Variants in HNRNPF observed in about 807,000 individuals in gnomAD.
HNRNPF encodes the protein HnRNP F protein.
In HNRNPF, 2 loss-of-function variants were observed where a neutral mutation model predicts 26.0. The observed-to-expected ratio is 0.08, with a 90% CI of 0.03 to 0.24. The LOEUF (loss-of-function observed/expected upper bound fraction) is 0.24, where lower values mean the gene tolerates loss of function less well. Among genes scored for constraint, HNRNPF ranks in the 10% least tolerant of loss-of-function variants. HNRNPF has a pLI of 1.00. For synonymous variants in HNRNPF, 234 were observed against 211.5 expected (o/e 1.11, Z -0.92); for missense variants, 299 against 539.2 (o/e 0.55, Z 4.41).
At chr10:43,393,496 T>C (rs576349600) in intron 3 of HNRNPF, among the ~76,000 whole-genome samples, 2 of 151,976 alleles carry the variant, frequency 1.3e-5, no homozygotes, top group East Asian at 3.9e-4. Flanking sequence ...TCAGGAAGGC[T>C]GAGGCAGGAG....
At chr10:43,389,416 G>A (rs1394240466) in intron 3 of HNRNPF, among the ~76,000 whole-genome samples, 1 of 152,096 alleles carries the variant, frequency 6.6e-6, no homozygotes, top group Non-Finnish European at 1.5e-5. Flanking sequence ...AAAAGTAAAG[G>A]TAAGTGTAAT....
chr10:43,392,272 G>A (rs1266994774), intron 3 of HNRNPF, among the ~76,000 whole-genome samples: 2 of 152,206 alleles, frequency 1.3e-5, no homozygotes, highest in Non-Finnish European at 2.9e-5. Context: ...CGGGCACAGT[G>A]CCTCACACCT....
At chr10:43,408,597 G>C (rs561259601) in intron 1 of HNRNPF, 1 of 152,128 alleles carries the variant, frequency 6.6e-6, no homozygotes, top group African/African-American at 2.4e-5. Context: ...GTCCGGGTAC[G>C]GGGCCCTGGA....
At chr10:43,391,769 CTTT>C in intron 3 of HNRNPF, among the ~76,000 whole-genome samples, 1 of 152,172 alleles carries the variant, frequency 6.6e-6, no homozygotes, top group Non-Finnish European at 1.5e-5. Flanking sequence ...ATGCTTTCTT[CTTT>C]TTTTCCTTTT....
chr10:43,405,243 G>C (rs757572435), intron 1 of HNRNPF, among the ~76,000 whole-genome samples: 39 of 152,174 alleles, frequency 2.6e-4, no homozygotes, highest in Non-Finnish European at 4.3e-4. Context: ...AAGAATATAA[G>C]ATTACATTTA....
chr10:43,406,522 C>A (rs1838923136), intron 1 of HNRNPF, among the ~76,000 whole-genome samples: 1 of 152,000 alleles, frequency 6.6e-6, no homozygotes, highest in Non-Finnish European at 1.5e-5. Flanking sequence ...TAAGGAGACC[C>A]CATCTCTACA....
At chr10:43,397,727 T>G (rs909333015) in intron 1 of HNRNPF, among the ~76,000 whole-genome samples, 2 of 152,246 alleles carry the variant, frequency 1.3e-5, no homozygotes, top group African/African-American at 4.8e-5. Context: ...TTAATTCAAA[T>G]GAACTGGAGA....
At position 43,405,912 on chromosome 10, in the gene HNRNPF, G is replaced by T. The variant is rs145484889; in HGVS notation, c.-247+3219C>A. ...AAGAACCGTAGCTCAGGGCAACTAA[G>T]ACAGGGCAAGGGCCCTGGCAGGGGA... On this transcript the variant is annotated intron_variant, in intron 1 of 3. Transcript: ENST00000682386. Among the ~76,000 whole-genome samples the T allele has an allele frequency of 8.1e-3, 1,235 of 152,216 alleles. 4 individuals carry two copies. The highest frequency in any genetic ancestry group is 0.014 in the Non-Finnish European group (925 of 67,996).
At chr10:43,402,765 C>T (rs534332626) in intron 1 of HNRNPF, among the ~76,000 whole-genome samples, 31 of 152,214 alleles carry the variant, frequency 2.0e-4, no homozygotes, top group African/African-American at 7.5e-4. Flanking sequence ...ATGGATTTAT[C>T]GGGATATAAC....
intron 1 of HNRNPF, among the ~76,000 whole-genome samples, chr10:43,401,964 A>G (rs1459412032): frequency 1.3e-5 from 2 of 152,156 alleles, no homozygotes; most frequent in Admixed American, 6.5e-5. Context: ...AGAGAGATGG[A>G]AGGAGGAAAG....
chr10:43,407,681 C>G (rs1589003186), intron 1 of HNRNPF: 1 of 152,088 alleles, frequency 6.6e-6, no homozygotes, highest in East Asian at 1.9e-4. Flanking sequence ...AGAGCGCGCA[C>G]GAGTCAGATT....
At chr10:43,398,888 G>A (rs150608487) in intron 1 of HNRNPF, among the ~76,000 whole-genome samples, 15 of 152,178 alleles carry the variant, frequency 9.9e-5, no homozygotes, top group African/African-American at 3.6e-4. Flanking sequence ...CGAATTACAG[G>A]GAACAGTAAC....
In HNRNPF at chr10:43,385,908, T is replaced by C. The variant is rs540022753; in HGVS notation, c.*729A>G. 18 of 152,760 alleles carry C rather than the reference T, an allele frequency of 1.2e-4. No individual in the cohort carries two copies. Among genetic ancestry groups the C allele is most frequent in the African/African-American group, 3.6e-4 (15 of 41,586 alleles). The allele number at this position is 152,760 out of a possible 1,614,324, so 9.5% of individuals were successfully genotyped here. A position where few individuals can be genotyped will look rare whatever the true frequency, so the allele number is the denominator to read the frequency against. On this transcript the variant is annotated 3_prime_UTR_variant, in exon 4 of 4. Coordinates refer to ENST00000682386, the MANE Select transcript of HNRNPF (RefSeq NM_001098204.2). ...CCTCATCATAAGAATATAAGGGAGA[T>C]CATAGATTTGATGTATGAAATTTTT... is the stretch of plus-strand genomic sequence containing the variant.
At chr10:43,406,717 G>C (rs1267477507) in intron 1 of HNRNPF, among the ~76,000 whole-genome samples, 1 of 152,076 alleles carries the variant, frequency 6.6e-6, no homozygotes, top group African/African-American at 2.4e-5. Context: ...TTTTTTTATA[G>C]AGACGGGGTA....
intron 3 of HNRNPF, among the ~76,000 whole-genome samples, chr10:43,393,117 G>A (rs191377001): frequency 2.6e-5 from 4 of 152,266 alleles, no homozygotes; most frequent in Non-Finnish European, 1.5e-5. Flanking sequence ...CAATAAAGGT[G>A]CCTCACAGCT....
intron 3 of HNRNPF, among the ~76,000 whole-genome samples, chr10:43,393,376 A>G (rs1469377583): frequency 6.6e-6 from 1 of 152,146 alleles, no homozygotes; most frequent in African/African-American, 2.4e-5. Context: ...CGGGCAGGTC[A>G]CCTGAAGTCA....
At chr10:43,397,577 A>G (rs1358380707) in intron 1 of HNRNPF, among the ~76,000 whole-genome samples, 1 of 152,200 alleles carries the variant, frequency 6.6e-6, no homozygotes, top group Non-Finnish European at 1.5e-5. Context: ...CGCCTCTAAA[A>G]TGGAACTAGC....
chr10:43,397,644 A>C (rs2131981004), intron 1 of HNRNPF, among the ~76,000 whole-genome samples: 1 of 152,348 alleles, frequency 6.6e-6, no homozygotes, highest in South Asian at 2.1e-4. Flanking sequence ...TTTGAAAAAA[A>C]ATCTTTGAAA....
chr10:43,389,973 A>G (rs1473640426), intron 3 of HNRNPF, among the ~76,000 whole-genome samples: 1 of 152,162 alleles, frequency 6.6e-6, no homozygotes, highest in Non-Finnish European at 1.5e-5. Flanking sequence ...CCTATCCCCA[A>G]TTCTCAAACT....
Sources: gnomAD v4.1 joint callset for allele counts (sites outside exome capture counted in the v4.1 genomes callset) on GRCh38, gnomAD v4.1.1 for gene constraint, MANE v1.5 for transcripts, NCBI Gene and HGNC (gene_info 2026-07-23, HGNC 2026-07-21) for gene names.